The following CRIM1 variants were observed in gnomAD, a reference collection of about 807,000 sequenced individuals.
The protein encoded by CRIM1 is cysteine rich transmembrane BMP regulator 1.
Under a neutral mutation model 116.4 loss-of-function variants are expected in CRIM1, and 32 were observed. That is an observed-to-expected ratio of 0.27 (90% confidence interval 0.21 to 0.37). The LOEUF is 0.37. Among genes scored for constraint, CRIM1 ranks in the 10% least tolerant of loss-of-function variants. CRIM1 has a pLI of 1.00. For synonymous variants in CRIM1, 590 were observed against 509.2 expected, an observed-to-expected ratio of 1.16 and a Z score of -2.13; for missense variants, 1,331 against 1,354.8, an observed-to-expected ratio of 0.98 and a Z score of 0.28.
intron 8 of CRIM1, among the ~76,000 whole-genome samples, chr2:36,503,464 A>T (rs1681148149): frequency 6.6e-6 from 1 of 152,216 alleles, no homozygotes; most frequent in African/African-American, 2.4e-5. Flanking sequence ...CTTACTCTGC[A>T]CTGTAACTAT....
At chr2:36,504,037 T>C (rs573796147) in intron 8 of CRIM1, among the ~76,000 whole-genome samples, 1 of 151,914 alleles carries the variant, frequency 6.6e-6, no homozygotes, top group South Asian at 2.1e-4. Context: ...ACCCAGCTCA[T>C]TTTTTTTGTA....
chr2:36,458,225 A>G lies in CRIM1; in HGVS notation c.870-6309A>G, dbSNP rs547369567. On this transcript the variant is annotated intron_variant, in intron 4 of 16. Transcript: ENST00000280527. Reference sequence around the variant, plus strand: ...GCTGCTTCCGAGCTGCCTCCTCTGCAGAAGGAGCCTACTATGGGGAATGTT... The same window carrying G: ...GCTGCTTCCGAGCTGCCTCCTCTGCGGAAGGAGCCTACTATGGGGAATGTT... Among the ~76,000 whole-genome samples, 442 of 152,288 alleles carry G rather than the reference A, an allele frequency of 2.9e-3. 1 individual carries two copies. The highest frequency in any genetic ancestry group is 4.7e-3 in the Non-Finnish European group (321 of 68,028).
intron 13 of CRIM1, among the ~76,000 whole-genome samples, chr2:36,528,010 C>T (rs772702364): frequency 1.3e-5 from 2 of 151,862 alleles, no homozygotes; most frequent in Non-Finnish European, 2.9e-5. Context: ...TATAAGATGG[C>T]AATAATAATA....
intron 4 of CRIM1, among the ~76,000 whole-genome samples, chr2:36,456,125 C>G (rs1024932107): frequency 6.6e-6 from 1 of 152,064 alleles, no homozygotes; most frequent in Non-Finnish European, 1.5e-5. Context: ...GTCCAGACAT[C>G]GTTGGTGTTT....
chr2:36,417,661 G>T (rs751564347), intron 2 of CRIM1, among the ~76,000 whole-genome samples: 9 of 152,154 alleles, frequency 5.9e-5, no homozygotes, highest in Non-Finnish European at 1.2e-4. Context: ...ATAAATTGGT[G>T]TCAGTTAAAC....
At chr2:36,444,396 T>G (rs1250281104) in intron 4 of CRIM1, among the ~76,000 whole-genome samples, 2 of 145,862 alleles carry the variant, frequency 1.4e-5, no homozygotes, top group Non-Finnish European at 3.0e-5. Context: ...TGGATAGATT[T>G]CTTTCCGTCT....
chr2:36,471,447 A>G (rs1329038772), intron 5 of CRIM1, among the ~76,000 whole-genome samples: 1 of 152,120 alleles, frequency 6.6e-6, no homozygotes, highest in East Asian at 1.9e-4. Context: ...AGCAACCACC[A>G]TCCTTATCAG....
rs1439200175 is a variant in CRIM1, at chr2:36,471,724, T to TAA, written c.992-5163_992-5162dup. ...TAACACTAATGATAGCTGATTAGCTTAAACACACACACACACACACACACA... is the reference window on the plus strand; with the variant it reads ...TAACACTAATGATAGCTGATTAGCTTAAAAACACACACACACACACACACACA... On this transcript the variant is annotated intron_variant, in intron 5 of 16. Coordinates refer to ENST00000280527, the MANE Select transcript of CRIM1 (RefSeq NM_016441.3). Among the ~76,000 whole-genome samples the TAA allele has an allele frequency of 1.7e-4, 12 of 72,196 alleles. No homozygotes were observed. The South Asian group carries it at 7.5e-3, about 45-fold the overall frequency. The allele number at this position is 72,196 out of a possible 152,430, so 47.4% of individuals were successfully genotyped here.
intron 13 of CRIM1, among the ~76,000 whole-genome samples, chr2:36,527,682 T>C (rs1425502665): frequency 2.6e-5 from 4 of 152,258 alleles, no homozygotes; most frequent in African/African-American, 9.6e-5. Context: ...TAGCATCTCT[T>C]TGGAACATCT....
At chr2:36,367,486 C>G (rs1669675840) in intron 1 of CRIM1, among the ~76,000 whole-genome samples, 1 of 152,212 alleles carries the variant, frequency 6.6e-6, no homozygotes, top group Admixed American at 6.5e-5. Context: ...CTTGGCATGA[C>G]TTTGCCTTAA....
At position 36,356,245 on chromosome 2, in the gene CRIM1, C is replaced by G. The variant is rs1668783230; in HGVS notation, c.-48C>G. The stretch of plus-strand genomic sequence containing the variant: ...GCCCCGCGCAGGGGAGGGCGCCCGC[C>G]CCGCTCCCGGCCCGGCTGCGAGGAG... On this transcript the variant is annotated 5_prime_UTR_variant, in exon 1 of 17. Coordinates refer to ENST00000280527, the MANE Select transcript of CRIM1 (RefSeq NM_016441.3). This position sits in a 1 kb window ranked among gnomAD's most constrained non-coding sequence, Gnocchi z 4.3. 8.5e-7 allele frequency: 1 copy of G among 1,180,966 alleles called. No individual in the cohort carries two copies. Among genetic ancestry groups the G allele is most frequent in the East Asian group, 3.2e-5 (1 of 31,696 alleles). 73.2% of individuals were successfully genotyped at this position (1,180,966 alleles called of 1,614,324 possible).
chr2:36,487,799 TA>T (rs1162283323), intron 7 of CRIM1, among the ~76,000 whole-genome samples: 5 of 152,016 alleles, frequency 3.3e-5, no homozygotes, highest in African/African-American at 4.8e-5. Flanking sequence ...GGTGTGTTTA[TA>T]AAAAAAATCA....
intron 3 of CRIM1, among the ~76,000 whole-genome samples, chr2:36,442,370 G>T (rs1220921135): frequency 3.9e-5 from 6 of 151,986 alleles, no homozygotes; most frequent in African/African-American, 1.5e-4. Flanking sequence ...ACCACTGCTG[G>T]TTTAATTCTT....
chr2:36,523,754 G>C (rs1665573004), intron 13 of CRIM1, among the ~76,000 whole-genome samples: 1 of 152,196 alleles, frequency 6.6e-6, no homozygotes, highest in African/African-American at 2.4e-5. Context: ...GGGAATAAAG[G>C]AGATCTGGCT....
At chr2:36,499,072 A>T in intron 7 of CRIM1, 147 bp from the exon 8 acceptor site, 1 of 638,412 alleles carries the variant, frequency 1.6e-6, no homozygotes, top group African/African-American at 1.8e-5. Flanking sequence ...GGGGTTAAAG[A>T]TATTACTGGA....
rs147211931 is a variant in CRIM1, at chr2:36,465,389, C to G, written c.991+734C>G. On this transcript the variant is annotated intron_variant, in intron 5 of 16. Coordinates refer to ENST00000280527, the MANE Select transcript of CRIM1 (RefSeq NM_016441.3). ...ATTCATTAACAAAAAATAAAATAAA[C>G]AAGTTACATGTCAATAACCATTCAG... Among the ~76,000 whole-genome samples, 414 of 152,266 alleles carry G rather than the reference C, an allele frequency of 2.7e-3. 2 individuals carry two copies. Among genetic ancestry groups the G allele is most frequent in the African/African-American group, 9.3e-3 (385 of 41,564 alleles).
At chr2:36,546,017 C>T (rs1193908671) in intron 15 of CRIM1, among the ~76,000 whole-genome samples, 1 of 152,118 alleles carries the variant, frequency 6.6e-6, no homozygotes, top group Non-Finnish European at 1.5e-5. Context: ...CCCTCCAGAA[C>T]ACACACAGAA....
chr2:36,521,893 A>G (rs116074575), intron 12 of CRIM1, among the ~76,000 whole-genome samples, 199 bp from the exon 13 acceptor site: 2,228 of 152,324 alleles, frequency 0.015, 66 homozygotes, highest in African/African-American at 0.05. Flanking sequence ...AATAACTGTA[A>G]CATCTCTTTT....
At chr2:36,541,799 C>T (rs934639897) in intron 14 of CRIM1, among the ~76,000 whole-genome samples, 2 of 152,090 alleles carry the variant, frequency 1.3e-5, no homozygotes, top group Non-Finnish European at 2.9e-5. Context: ...TCTGTAATGC[C>T]AACAGCTGTA....
Sources: allele counts gnomAD v4.1 joint callset (sites outside exome capture counted in the v4.1 genomes callset), GRCh38; gene constraint gnomAD v4.1.1; non-coding constraint Gnocchi (gnomAD v3.1); transcripts MANE v1.5; gene names NCBI Gene and HGNC (gene_info 2026-07-23, HGNC 2026-07-21).